The following DCC variants were observed in gnomAD, a reference collection of about 807,000 sequenced individuals.
The protein encoded by DCC is DCC netrin 1 receptor, also known as netrin receptor DCC.
In DCC, 58 loss-of-function variants were observed where a neutral mutation model predicts 172.5. The observed-to-expected ratio is 0.34, with a 90% CI of 0.27 to 0.42. The LOEUF is 0.42. DCC is among the 10% of genes least tolerant of loss of function. The pLI, the probability that DCC is intolerant of heterozygous loss-of-function variation, is 1.00. For synonymous variants in DCC, 709 were observed against 644.5 expected (o/e 1.10, Z -1.52); for missense variants, 1,740 against 1,791.0 (o/e 0.97, Z 0.51).
intron 2 of DCC, among the ~76,000 whole-genome samples, chr18:52,876,143 C>G (rs573038513): frequency 3.3e-5 from 5 of 152,114 alleles, no homozygotes; most frequent in African/African-American, 9.6e-5. Flanking sequence ...TGTAAGCCAA[C>G]AAGGAAACAA....
intron 1 of DCC, among the ~76,000 whole-genome samples, chr18:52,569,062 T>C (rs2033231991): frequency 6.6e-6 from 1 of 152,192 alleles, no homozygotes; most frequent in African/African-American, 2.4e-5. Flanking sequence ...TTGAAGAACA[T>C]GCTTTGAATC....
chr18:52,798,663 A>G (rs1207869841), intron 2 of DCC, among the ~76,000 whole-genome samples: 1 of 152,208 alleles, frequency 6.6e-6, no homozygotes, highest in Non-Finnish European at 1.5e-5. Flanking sequence ...AAACCTGAAA[A>G]GGGTGAGTAG....
At chr18:52,352,125 G>A (rs1984151607) in intron 1 of DCC, among the ~76,000 whole-genome samples, 1 of 152,102 alleles carries the variant, frequency 6.6e-6, no homozygotes, top group Admixed American at 6.5e-5. Flanking sequence ...TCTAAATTGG[G>A]GGTAAAAATT....
chr18:53,368,103 T>C (rs980013333), intron 15 of DCC, among the ~76,000 whole-genome samples: 2 of 152,156 alleles, frequency 1.3e-5, no homozygotes, highest in African/African-American at 4.8e-5. Flanking sequence ...GTTTTGTTTT[T>C]AGTGTTCCTC....
rs146016827 is a variant in DCC, at chr18:52,857,585, T to C, written c.413-48459T>C. Among the ~76,000 whole-genome samples, 168 of 152,286 alleles carry C rather than the reference T, an allele frequency of 1.1e-3. 1 individual carries two copies. Among genetic ancestry groups the C allele is most frequent in the Non-Finnish European group, 2.0e-3 (136 of 68,022 alleles). On this transcript the variant is annotated intron_variant, in intron 2 of 28. Transcript: ENST00000442544. ...ATGATGTTATATAGGGTAATTCGAA[T>C]TTAACATCATATTTTTATGAGGCCA... is the stretch of plus-strand genomic sequence containing the variant.
intron 22 of DCC, among the ~76,000 whole-genome samples, chr18:53,440,443 G>A (rs1264995472): frequency 1.3e-5 from 2 of 150,570 alleles, no homozygotes; most frequent in Non-Finnish European, 2.9e-5. Context: ...ATCATATTAA[G>A]TGCTCTATAA....
intron 5 of DCC, among the ~76,000 whole-genome samples, chr18:52,970,411 AT>A (rs1334466014): frequency 1.3e-5 from 2 of 152,098 alleles, no homozygotes; most frequent in Non-Finnish European, 2.9e-5. Context: ...GATGATATGT[AT>A]TTTTCAGTTT....
intron 22 of DCC, among the ~76,000 whole-genome samples, chr18:53,439,987 G>T (rs9947039): frequency 6.6e-6 from 1 of 151,122 alleles, no homozygotes; most frequent in African/African-American, 2.4e-5. Flanking sequence ...GGATGGTCTC[G>T]ATCTCTTGAC....
chr18:53,516,999 A>G (rs1299833945), intron 27 of DCC, among the ~76,000 whole-genome samples: 172 of 142,022 alleles, frequency 1.2e-3, no homozygotes, highest in African/African-American at 4.3e-3. Flanking sequence ...ACATGCACAC[A>G]TATGTTTATT....
At position 52,796,658 on chromosome 18, in the gene DCC, C is replaced by A. The variant is rs180795442; in HGVS notation, c.412+44284C>A. 2.2e-4 allele frequency among the ~76,000 whole-genome samples: 33 copies of A among 152,192 alleles called. No individual in the cohort carries two copies. The South Asian group carries it at 6.4e-3, about 30-fold the overall frequency. ...ATATGTCATTCCATTTTCTCCTGAC[C>A]TGCATGATTTCTGCTGAGAAGTCCA... On this transcript the variant is annotated intron_variant, in intron 2 of 28. Coordinates refer to ENST00000442544, the MANE Select transcript of DCC (RefSeq NM_005215.4).
chr18:53,050,872 T>A (rs1420456437), intron 5 of DCC, among the ~76,000 whole-genome samples: 1 of 152,140 alleles, frequency 6.6e-6, no homozygotes. Context: ...ATATCTATAC[T>A]TGCATAACCA....
At chr18:52,548,261 C>T (rs529924649) in intron 1 of DCC, among the ~76,000 whole-genome samples, 181 of 152,152 alleles carry the variant, frequency 1.2e-3, no homozygotes, top group African/African-American at 4.2e-3. Flanking sequence ...TTAATATAGG[C>T]CAATATTCCA....
chr18:53,171,892 A>T (rs1448176544), intron 8 of DCC, among the ~76,000 whole-genome samples: 1 of 152,060 alleles, frequency 6.6e-6, no homozygotes, highest in Non-Finnish European at 1.5e-5. Flanking sequence ...GATGCTGGTG[A>T]GGCTGCAGAG....
intron 7 of DCC, among the ~76,000 whole-genome samples, chr18:53,130,465 G>C (rs2043634787): frequency 6.6e-6 from 1 of 152,034 alleles, no homozygotes; most frequent in Admixed American, 6.6e-5. Flanking sequence ...TCAAAACTCT[G>C]TCTTCCTTTT....
intron 21 of DCC, among the ~76,000 whole-genome samples, chr18:53,429,529 A>T (rs1309939711): frequency 6.6e-6 from 1 of 152,066 alleles, no homozygotes; most frequent in Non-Finnish European, 1.5e-5. Context: ...TCTCAGGAAG[A>T]GTCTAACCTG....
chr18:52,744,958 G>A (rs1299763057), intron 1 of DCC, among the ~76,000 whole-genome samples: 1 of 152,132 alleles, frequency 6.6e-6, no homozygotes, highest in African/African-American at 2.4e-5. Context: ...TCCTCTCATA[G>A]CCCCTTATGT....
chr18:53,391,602 C>G, intron 16 of DCC, 53 bp from the exon 17 acceptor site: 1 of 1,185,974 alleles, frequency 8.4e-7, no homozygotes, highest in South Asian at 1.2e-5. Flanking sequence ...TTTTTTAACG[C>G]TTTTATTTAC....
At chr18:52,529,319 C>T (rs2032077388) in intron 1 of DCC, among the ~76,000 whole-genome samples, 2 of 152,182 alleles carry the variant, frequency 1.3e-5, no homozygotes. Context: ...GAAACGGAGT[C>T]TCGCTCTGTC....
At chr18:53,351,291 GTATA>G (rs147758557) in intron 15 of DCC, among the ~76,000 whole-genome samples, 470 of 34,440 alleles carry the variant, frequency 0.014, 21 homozygotes, top group African/African-American at 0.038. Flanking sequence ...ATTGAGTACA[GTATA>G]TATATATATA....
Sources: allele counts gnomAD v4.1 joint callset (sites outside exome capture counted in the v4.1 genomes callset), GRCh38; gene constraint gnomAD v4.1.1; transcripts MANE v1.5; gene names NCBI Gene and HGNC (gene_info 2026-07-23, HGNC 2026-07-21).